The following KLRK1 variants were observed in gnomAD, a reference collection of about 807,000 sequenced individuals.
KLRK1 encodes killer cell lectin like receptor K1.
Under a neutral mutation model 31.3 loss-of-function variants are expected in KLRK1, and 40 were observed. That is an observed-to-expected ratio of 1.28 (90% CI 0.99 to 1.67). The LOEUF (loss-of-function observed/expected upper bound fraction) is 1.67. KLRK1 is among the 40% of genes most tolerant of loss of function. KLRK1 has a pLI of 0.00. For missense variants in KLRK1, 251 were observed against 260.0 expected, an observed-to-expected ratio of 0.97 and a Z score of 0.24; for synonymous variants, 77 against 77.3, an observed-to-expected ratio of 1.00 and a Z score of 0.02.
intron 3 of KLRK1, among the ~76,000 whole-genome samples, chr12:10,383,593 T>G (rs1214946496): frequency 6.6e-6 from 1 of 152,028 alleles, no homozygotes; most frequent in African/African-American, 2.4e-5. Context: ...GGACAGATCA[T>G]TCAGGCAGAA....
At chr12:10,385,652 A>T (rs1439212354) in intron 3 of KLRK1, among the ~76,000 whole-genome samples, 1 of 152,040 alleles carries the variant, frequency 6.6e-6, no homozygotes, top group African/African-American at 2.4e-5. Flanking sequence ...TAATGAATAC[A>T]AAATTACAGC....
At chr12:10,381,601 C>T (rs181183177) in intron 3 of KLRK1, among the ~76,000 whole-genome samples, 3 of 149,986 alleles carry the variant, frequency 2.0e-5, no homozygotes, top group African/African-American at 7.6e-5. Flanking sequence ...ACAGGTATAT[C>T]AGAAAACAAT....
At chr12:10,385,367 G>GACACACAC (rs3055416) in intron 3 of KLRK1, among the ~76,000 whole-genome samples, 38,373 of 145,608 alleles carry the variant, frequency 0.26, 6,067 homozygotes, top group East Asian at 0.39. Context: ...AGCACACACA[G>GACACACAC]ACACACACAC....
intron 7 of KLRK1, among the ~76,000 whole-genome samples, chr12:10,375,174 G>A (rs1312934877): frequency 2.6e-5 from 4 of 152,108 alleles, no homozygotes; most frequent in African/African-American, 9.7e-5. Context: ...AACACAAGGG[G>A]AAAATTGAAA....
rs1220558774 is a variant in KLRK1, at chr12:10,372,965, A to G, written c.*149T>C. 6.2e-6 allele frequency: 4 copies of G among 646,134 alleles called. No individual in the cohort carries two copies. Among genetic ancestry groups the G allele is most frequent in the South Asian group, 5.6e-5 (3 of 53,292 alleles). The allele number at this position is 646,134 out of a possible 1,614,324, so 40.0% of individuals were successfully genotyped here. A position where few individuals can be genotyped will look rare whatever the true frequency, so the allele number is the denominator to read the frequency against. Reference sequence around the variant, plus strand: ...TGCATGTTTGCAGTGAAATTGTTCTATGGTTTGGTCCTGTGGAGTCTAAGA... The same window carrying G: ...TGCATGTTTGCAGTGAAATTGTTCTGTGGTTTGGTCCTGTGGAGTCTAAGA... On this transcript the variant is annotated 3_prime_UTR_variant, in exon 8 of 8. Transcript: ENST00000240618.
chr12:10,375,960 G>A (rs879515491), intron 7 of KLRK1, among the ~76,000 whole-genome samples: 1 of 152,166 alleles, frequency 6.6e-6, no homozygotes, highest in Non-Finnish European at 1.5e-5. Context: ...AGACCAAGCT[G>A]TAGTTCACCG....
intron 3 of KLRK1, among the ~76,000 whole-genome samples, chr12:10,383,181 A>C (rs1863107919): frequency 6.6e-6 from 1 of 152,112 alleles, no homozygotes; most frequent in African/African-American, 2.4e-5. Context: ...AGGGGGCTAA[A>C]TTCTCCAAGT....
At position 10,379,815 on chromosome 12, in the gene KLRK1, A is replaced by G. The variant is rs1388587037; in HGVS notation, c.149-23T>C. 5.0e-6 allele frequency: 8 copies of G among 1,604,498 alleles called. No homozygotes were observed. In the South Asian group the frequency reaches 7.9e-5, roughly 16 times the overall value. On this transcript the variant is annotated intron_variant, in intron 3 of 7. Coordinates refer to ENST00000240618, the MANE Select transcript of KLRK1 (RefSeq NM_007360.4). ...ATGCTGTCAAAGAAAAAAGACACAGATCAGAGAAAGAAGCATAAAAGGTTT... is the reference window on the plus strand; with the variant it reads ...ATGCTGTCAAAGAAAAAAGACACAGGTCAGAGAAAGAAGCATAAAAGGTTT...
In KLRK1 at chr12:10,372,379, T is replaced by G. The variant is rs1354392279; in HGVS notation, c.*735A>C. On this transcript the variant is annotated 3_prime_UTR_variant, in exon 8 of 8. Transcript: ENST00000240618. ...GCATGAGACTCAAGATTCTATTTAT[T>G]CAGAGGCAAAATTCCTTCTTAACTG... 6.6e-6 allele frequency: 1 copy of G among 152,252 alleles called. No homozygotes were observed. Among genetic ancestry groups the G allele is most frequent in the East Asian group, 1.9e-4 (1 of 5,204 alleles). The allele number at this position is 152,252 out of a possible 1,614,324, so 9.4% of individuals were successfully genotyped here. A position where few individuals can be genotyped will look rare whatever the true frequency, so the allele number is the denominator to read the frequency against.
chr12:10,384,580 C>T (rs1055134466), intron 3 of KLRK1, among the ~76,000 whole-genome samples: 3 of 151,968 alleles, frequency 2.0e-5, no homozygotes, highest in African/African-American at 7.2e-5. Flanking sequence ...TCATCTCACA[C>T]CATATACAAA....
At chr12:10,387,701 A>G (rs1436750600) in intron 2 of KLRK1, among the ~76,000 whole-genome samples, 1 of 151,604 alleles carries the variant, frequency 6.6e-6, no homozygotes, top group Non-Finnish European at 1.5e-5. Flanking sequence ...TTGTGCCACC[A>G]TACCTGGCTA....
At chr12:10,379,240 A>T in intron 5 of KLRK1, 1 of 152,016 alleles carries the variant, frequency 6.6e-6, no homozygotes, top group Admixed American at 6.9e-5. Context: ...AAAAAGAGAG[A>T]GAGAGAGAGA....
chr12:10,383,939 A>T (rs1297804403), intron 3 of KLRK1, among the ~76,000 whole-genome samples: 1 of 152,108 alleles, frequency 6.6e-6, no homozygotes, highest in Non-Finnish European at 1.5e-5. Context: ...TGCATACAAA[A>T]ATCAGTAGTG....
At chr12:10,383,436 T>A (rs1863113442) in intron 3 of KLRK1, among the ~76,000 whole-genome samples, 1 of 152,004 alleles carries the variant, frequency 6.6e-6, no homozygotes, top group Non-Finnish European at 1.5e-5. Flanking sequence ...ATGGGTCACT[T>A]CAGCAATATA....
chr12:10,381,753 CCT>C (rs1863080332), intron 3 of KLRK1: 1 of 152,122 alleles, frequency 6.6e-6, no homozygotes. Flanking sequence ...ATCACAGTAC[CCT>C]GATTTTAGCA....
Position 10,373,084 on chromosome 12 carries a change from C to A in KLRK1, c.*30G>T. 1 of 1,595,160 alleles carries A rather than the reference C, an allele frequency of 6.3e-7. No homozygotes were observed. Among genetic ancestry groups the A allele is most frequent in the South Asian group, 1.1e-5 (1 of 89,726 alleles). On this transcript the variant is annotated 3_prime_UTR_variant, in exon 8 of 8. Transcript: ENST00000240618. Reference sequence around the variant, plus strand: ...CCGCTGGTGTAATCTCTTCTCTGTTCCTGGCTTTTATTGAGATGGTTGATC... The same window carrying A: ...CCGCTGGTGTAATCTCTTCTCTGTTACTGGCTTTTATTGAGATGGTTGATC...
chr12:10,381,965 T>A (rs1055777974), intron 3 of KLRK1: 1 of 152,286 alleles, frequency 6.6e-6, no homozygotes, highest in African/African-American at 2.4e-5. Flanking sequence ...AGAGACCCCA[T>A]GGCCCTTGAT....
chr12:10,388,297 A>C (rs1863204436), intron 2 of KLRK1, among the ~76,000 whole-genome samples: 1 of 152,222 alleles, frequency 6.6e-6, no homozygotes, highest in Admixed American at 6.5e-5. Flanking sequence ...ACTGTGAATA[A>C]GTTATAAATT....
chr12:10,379,868 T>TA, intron 3 of KLRK1, 76 bp from the exon 4 acceptor site: 2 of 1,322,780 alleles, frequency 1.5e-6, no homozygotes, highest in Non-Finnish European at 2.0e-6. Flanking sequence ...ATATAAATAT[T>TA]AGAGTTTTTT....
Sources: gnomAD v4.1 joint callset for allele counts (sites outside exome capture counted in the v4.1 genomes callset) on GRCh38, gnomAD v4.1.1 for gene constraint, MANE v1.5 for transcripts, NCBI Gene and HGNC (gene_info 2026-07-23, HGNC 2026-07-21) for gene names.